NID1: variants seen among roughly 807,000 people sequenced by gnomAD.
The protein encoded by NID1 is nidogen 1, also known as nidogen-1.
Under a neutral mutation model 130.6 loss-of-function variants are expected in NID1, and 76 were observed. The ratio of observed to expected loss-of-function variants is 0.58; its 90% CI spans 0.48 to 0.70. The LOEUF (loss-of-function observed/expected upper bound fraction) is 0.70, where lower values mean the gene tolerates loss of function less well. NID1 is among the 30% of genes least tolerant of loss of function. The pLI is 0.00. For missense variants in NID1, 1,517 were observed against 1,664.8 expected, an observed-to-expected ratio of 0.91 and a Z score of 1.54; for synonymous variants, 665 against 675.1, an observed-to-expected ratio of 0.98 and a Z score of 0.23.
intron 14 of NID1, among the ~76,000 whole-genome samples, chr1:235,987,444 C>T (rs1657606383): frequency 6.6e-6 from 1 of 152,158 alleles, no homozygotes; most frequent in Admixed American, 6.5e-5. Flanking sequence ...TACACAGGAC[C>T]TCTCTGTATA....
At chr1:235,984,200 G>A (rs1657512652) in intron 15 of NID1, among the ~76,000 whole-genome samples, 2 of 152,158 alleles carry the variant, frequency 1.3e-5, no homozygotes, top group Admixed American at 6.5e-5. Context: ...TGAAATCATA[G>A]ATAATAACAA....
intron 12 of NID1, among the ~76,000 whole-genome samples, chr1:236,009,983 AAC>A (rs1408498260): frequency 1.3e-5 from 2 of 152,212 alleles, no homozygotes; most frequent in Non-Finnish European, 2.9e-5. Flanking sequence ...CTGTTTAGTC[AAC>A]AGAGTTTTCA....
intron 12 of NID1, among the ~76,000 whole-genome samples, chr1:236,005,308 G>A (rs186396016): frequency 0.013 from 1,947 of 152,094 alleles, 17 homozygotes; most frequent in Non-Finnish European, 0.021. Flanking sequence ...AGATGCAAGA[G>A]TGTTTTGTTC....
At chr1:235,987,932 T>C (rs897686429) in intron 14 of NID1, among the ~76,000 whole-genome samples, 1 of 152,050 alleles carries the variant, frequency 6.6e-6, no homozygotes, top group Non-Finnish European at 1.5e-5. Flanking sequence ...AGCAAACTTA[T>C]CAAACTCTTA....
chr1:235,989,447 T>A (rs1407639173), intron 14 of NID1, among the ~76,000 whole-genome samples: 1 of 152,206 alleles, frequency 6.6e-6, no homozygotes, highest in Non-Finnish European at 1.5e-5. Context: ...AATAGATGAA[T>A]ACAATGATCA....
chr1:236,062,633 CAAAAA>C (rs56709890), intron 1 of NID1, among the ~76,000 whole-genome samples: 5 of 104,230 alleles, frequency 4.8e-5, no homozygotes, highest in African/African-American at 1.2e-4. Flanking sequence ...GACTCTGTCT[CAAAAA>C]AAAAAAAAAA....
At chr1:236,018,492 G>T (rs994040245) in intron 9 of NID1, among the ~76,000 whole-genome samples, 2 of 152,206 alleles carry the variant, frequency 1.3e-5, no homozygotes, top group Admixed American at 6.5e-5. Flanking sequence ...AGGCTTTGGG[G>T]GCCAGGCTGT....
At chr1:235,999,293 T>C (rs896657389) in intron 12 of NID1, among the ~76,000 whole-genome samples, 2 of 152,262 alleles carry the variant, frequency 1.3e-5, no homozygotes, top group African/African-American at 4.8e-5. Flanking sequence ...TTGGTCAGCA[T>C]AGAAAATCTC....
At chr1:235,992,716 T>G (rs1410197497) in intron 13 of NID1, among the ~76,000 whole-genome samples, 3 of 152,208 alleles carry the variant, frequency 2.0e-5, no homozygotes, top group Non-Finnish European at 4.4e-5. Flanking sequence ...ACCACAGCAC[T>G]GGCCCCTCAG....
chr1:236,055,042 C>G (rs1217646458), intron 1 of NID1, among the ~76,000 whole-genome samples: 1 of 152,032 alleles, frequency 6.6e-6, no homozygotes, highest in Admixed American at 6.6e-5. Flanking sequence ...CGGTGGCTCA[C>G]GCCTGTAATC....
Position 235,991,140 on chromosome 1 carries a change from T to C in NID1, c.2756-82A>G, listed in dbSNP as rs559829932. 187 of 1,156,214 alleles carry C rather than the reference T, an allele frequency of 1.6e-4. No individual in the cohort carries two copies. In the African/African-American group the frequency reaches 2.8e-3, roughly 17 times the overall value. 71.6% of individuals were successfully genotyped at this position (1,156,214 alleles called of 1,614,324 possible). A position where few individuals can be genotyped will look rare whatever the true frequency, so the allele number is the denominator to read the frequency against. On this transcript the variant is annotated intron_variant, in intron 13 of 19. Transcript: ENST00000264187. ...GCACACACACACACCCCCACACACA[T>C]GCACGCATGCACACACATACACACA...
At chr1:236,060,276 A>G (rs1425914535) in intron 1 of NID1, among the ~76,000 whole-genome samples, 1 of 152,002 alleles carries the variant, frequency 6.6e-6, no homozygotes, top group East Asian at 1.9e-4. Context: ...GGCATTTGTA[A>G]AGTGTCATGG....
chr1:235,976,060 A>G lies in NID1; in HGVS notation c.*1807T>C, dbSNP rs1657238437. 1 of 152,480 alleles carries G rather than the reference A, an allele frequency of 6.6e-6. No homozygotes were observed. The allele number at this position is 152,480 out of a possible 1,614,324, so 9.4% of individuals were successfully genotyped here. ...GAACATTTGATATAGAGGGTTTAAT[A>G]TGAAACGATAAATACAAAAAGTGAG... On this transcript the variant is annotated 3_prime_UTR_variant, in exon 20 of 20. Coordinates refer to ENST00000264187, the MANE Select transcript of NID1 (RefSeq NM_002508.3).
chr1:236,063,454 A>G (rs1434206780), intron 1 of NID1, among the ~76,000 whole-genome samples: 1 of 148,488 alleles, frequency 6.7e-6, no homozygotes, highest in Non-Finnish European at 1.5e-5. Context: ...GCTGGGGGAT[A>G]GAGAGAGACT....
At chr1:236,003,668 G>A (rs140964551) in intron 12 of NID1, among the ~76,000 whole-genome samples, 2,420 of 152,218 alleles carry the variant, frequency 0.016, 37 homozygotes, top group South Asian at 0.079. Context: ...CCAGGATTTC[G>A]AGACAAGCCT....
intron 12 of NID1, among the ~76,000 whole-genome samples, chr1:235,998,112 G>A (rs932275045): frequency 6.6e-6 from 1 of 152,170 alleles, no homozygotes; most frequent in Admixed American, 6.5e-5. Context: ...TCCTCGCAAA[G>A]CAGACACAGT....
rs1660155058 is a variant in NID1 at position 236,065,049 on chromosome 1, C to A, written c.31G>T (p.Ala11Ser). ...GGCAGCAGCAGCGCCCGCGTCCACG[C>A]AGCCCGGATCCGGCTGCTCGAGGCC... is the stretch of plus-strand genomic sequence containing the variant. MLASSSRIRA[A>S]WTRALLLPLL... The change falls in exon 1 of 20, where the codon GCG becomes TCG. Residue 11 changes from alanine (A) to serine (S), a missense_variant. Around this residue, in one of 3 missense-constraint regions of NID1, gnomAD observed 1,329 missense variants for 1,429.2 expected, o/e 0.93. Coordinates refer to ENST00000264187, the MANE Select transcript of NID1 (RefSeq NM_002508.3). This position sits in a 1 kb window ranked among gnomAD's most constrained non-coding sequence, Gnocchi z 4.1. The A allele has an allele frequency of 2.6e-6, 4 of 1,553,462 alleles. No homozygotes were observed. Among genetic ancestry groups the A allele is most frequent in the South Asian group, 2.4e-5 (2 of 84,514 alleles).
rs185715096 is a variant in NID1 at position 235,982,238 on chromosome 1, G to C, written c.3056-456C>G. Reference sequence around the variant, plus strand: ...CCTGGATGAGGGCTTTTTAGGTAGCGAGACTGGCACATAGGTATAAAGGAA... The same window carrying C: ...CCTGGATGAGGGCTTTTTAGGTAGCCAGACTGGCACATAGGTATAAAGGAA... On this transcript the variant is annotated intron_variant, in intron 15 of 19. Transcript: ENST00000264187. 1.1e-4 allele frequency among the ~76,000 whole-genome samples: 17 copies of C among 152,288 alleles called. No homozygotes were observed. The East Asian group carries it at 2.3e-3, about 21-fold the overall frequency.
At chr1:236,027,460 C>A (rs1167151149) in intron 7 of NID1, among the ~76,000 whole-genome samples, 1 of 152,170 alleles carries the variant, frequency 6.6e-6, no homozygotes, top group East Asian at 1.9e-4. Flanking sequence ...TCTCCCAGCT[C>A]CCCAGGAGAA....
Sources: allele counts gnomAD v4.1 joint callset (sites outside exome capture counted in the v4.1 genomes callset), GRCh38; gene constraint gnomAD v4.1.1; regional missense constraint gnomAD v4.1.1; non-coding constraint Gnocchi (gnomAD v3.1); transcripts MANE v1.5; gene names NCBI Gene and HGNC (gene_info 2026-07-23, HGNC 2026-07-21).